The following GABRA3 variants were observed in gnomAD, a reference collection of about 807,000 sequenced individuals.
The protein encoded by GABRA3 is gamma-aminobutyric acid receptor subunit alpha-3.
Under a neutral mutation model 30.1 loss-of-function variants are expected in GABRA3, and 10 were observed. The observed-to-expected ratio is 0.33, with a 90% CI of 0.20 to 0.56. The LOEUF is 0.56. GABRA3 is among the 20% of genes least tolerant of loss of function. GABRA3 has a pLI of 0.89. For missense variants in GABRA3, 233 were observed against 392.0 expected, an observed-to-expected ratio of 0.59 and a Z score of 3.42; for synonymous variants, 151 against 146.8, an observed-to-expected ratio of 1.03 and a Z score of -0.21.
At chrX:152,309,689 C>T (rs775690897) in intron 3 of GABRA3, among the ~76,000 whole-genome samples, 11 of 111,705 alleles carry the variant, frequency 9.8e-5, no homozygotes, top group Non-Finnish European at 1.7e-4. Flanking sequence ...ACGACAAAAA[C>T]ACATTCAGGT....
At chrX:152,314,844 C>A (rs1939848972) in intron 3 of GABRA3, among the ~76,000 whole-genome samples, 1 of 112,040 alleles carries the variant, frequency 8.9e-6, no homozygotes. Flanking sequence ...GTCTCACATG[C>A]CAGATTGCAA....
At chrX:152,387,303 T>C (rs1485123826) in intron 1 of GABRA3, among the ~76,000 whole-genome samples, 1 of 110,559 alleles carries the variant, frequency 9.0e-6, no homozygotes, top group African/African-American at 3.3e-5. Flanking sequence ...ATAATAATAA[T>C]AAAGAAGCCA....
intron 5 of GABRA3, among the ~76,000 whole-genome samples, chrX:152,233,921 T>C (rs1269757115): frequency 9.4e-6 from 1 of 106,447 alleles, no homozygotes; most frequent in East Asian, 3.0e-4. Flanking sequence ...TTGGAAATCA[T>C]CATTCTCAGT....
chrX:152,339,267 G>A (rs928928970), intron 3 of GABRA3, among the ~76,000 whole-genome samples: 4 of 108,074 alleles, frequency 3.7e-5, no homozygotes, highest in Admixed American at 3.0e-4. Flanking sequence ...TTGCTCTGTC[G>A]CCCAGGCTGG....
At chrX:152,393,473 G>C (rs780286960) in intron 1 of GABRA3, 9 of 379,748 alleles carry the variant, frequency 2.4e-5, no homozygotes, top group South Asian at 2.2e-4. Flanking sequence ...GAGCAGACAA[G>C]CATGCTGCAT....
rs760856792 is a variant in GABRA3 at position 152,349,665 on chromosome X, G to A, written c.141-3963C>T. On this transcript the variant is annotated intron_variant, in intron 2 of 9. Transcript: ENST00000370314. ...GGCAGGGGTTGCAATCCTAGTCTCTGATAAAACAGACTTCAAACCAACAAA... is the reference window on the plus strand; with the variant it reads ...GGCAGGGGTTGCAATCCTAGTCTCTAATAAAACAGACTTCAAACCAACAAA... 3.0e-5 allele frequency among the ~76,000 whole-genome samples: 3 copies of A among 100,402 alleles called. No individual in the cohort carries two copies. In the Admixed American group the frequency reaches 3.3e-4, roughly 11 times the overall value. 87.2% of individuals were successfully genotyped at this position (100,402 alleles called of 115,157 possible).
Position 152,174,642 on chromosome X carries a change from GT to G in GABRA3, c.1144-6080del, listed in dbSNP as rs1260706553. 2.7e-5 allele frequency among the ~76,000 whole-genome samples: 3 copies of G among 111,419 alleles called. No homozygotes were observed. The East Asian group carries it at 8.5e-4, about 32-fold the overall frequency. On this transcript the variant is annotated intron_variant, in intron 9 of 9. Transcript: ENST00000370314. Reference sequence around the variant, plus strand: ...CACCCACTTTTTGATGGAGTTGTTTGTTTTTTTCTTGTAAATTTGTTTGAGT... The same window carrying G: ...CACCCACTTTTTGATGGAGTTGTTTGTTTTTTCTTGTAAATTTGTTTGAGT...
rs753589728 is a variant in GABRA3, at chrX:152,359,935, C to T, written c.140+4496G>A. 1.6e-3 allele frequency among the ~76,000 whole-genome samples: 181 copies of T among 110,062 alleles called. 2 individuals are homozygous for T. Among genetic ancestry groups the T allele is most frequent in the African/African-American group, 3.7e-3 (113 of 30,247 alleles). ...AAGAAAAAAATGTTTCTAATTCTTG[C>T]GATAGTTTACTGAGAATGATGGTTT... On this transcript the variant is annotated intron_variant, in intron 2 of 9. Transcript: ENST00000370314.
intron 3 of GABRA3, among the ~76,000 whole-genome samples, chrX:152,330,668 C>T (rs1014942965): frequency 1.4e-4 from 14 of 97,492 alleles, no homozygotes; most frequent in Non-Finnish European, 2.2e-4. Flanking sequence ...TTGGACACAG[C>T]GTGGAGAACA....
chrX:152,426,517 C>T (rs759904186), intron 1 of GABRA3, among the ~76,000 whole-genome samples: 2 of 111,591 alleles, frequency 1.8e-5, no homozygotes, highest in Non-Finnish European at 3.8e-5. Flanking sequence ...ACTTCATACT[C>T]AATTCTACTC....
chrX:152,279,154 C>T (rs1939149784), intron 4 of GABRA3, among the ~76,000 whole-genome samples: 1 of 111,680 alleles, frequency 9.0e-6, no homozygotes, highest in Non-Finnish European at 1.9e-5. Context: ...GTTGCCATTG[C>T]TTTTGGTGTT....
intron 3 of GABRA3, among the ~76,000 whole-genome samples, chrX:152,294,972 C>G (rs1389409684): frequency 9.0e-6 from 1 of 110,808 alleles, no homozygotes; most frequent in African/African-American, 3.3e-5. Context: ...GAGGTCCACT[C>G]CAGACCCTGT....
intron 5 of GABRA3, chrX:152,251,172 A>G (rs762209963): frequency 6.3e-6 from 2 of 315,698 alleles, no homozygotes; most frequent in Admixed American, 3.7e-5. Context: ...TACTTCCTCT[A>G]TTCTGTAAAA....
In GABRA3 at chrX:152,404,949, G is replaced by A. The variant is rs143930724; in HGVS notation, c.-26-40353C>T. Reference sequence around the variant, plus strand: ...CCCTCCACTGATCGTCCCCCTGCAAGGAACACTGAATTGAACAACTATCCA... The same window carrying A: ...CCCTCCACTGATCGTCCCCCTGCAAAGAACACTGAATTGAACAACTATCCA... On this transcript the variant is annotated intron_variant, in intron 1 of 9. Transcript: ENST00000370314. Among the ~76,000 whole-genome samples the A allele has an allele frequency of 3.2e-4, 35 of 108,355 alleles. No individual in the cohort carries two copies. In the East Asian group the frequency reaches 9.9e-3, roughly 31 times the overall value. 94.1% of individuals were successfully genotyped at this position (108,355 alleles called of 115,157 possible).
At chrX:152,256,872 T>C (rs1156691472) in intron 4 of GABRA3, among the ~76,000 whole-genome samples, 3 of 111,826 alleles carry the variant, frequency 2.7e-5, no homozygotes, top group Admixed American at 9.5e-5. Context: ...TTTTCTTTCT[T>C]GAAGGTGCTT....
chrX:152,270,853 TTA>T (rs1491148953), intron 4 of GABRA3, among the ~76,000 whole-genome samples: 47 of 99,513 alleles, frequency 4.7e-4, no homozygotes, highest in African/African-American at 1.8e-3. Flanking sequence ...AGATTCCAAC[TTA>T]AAAAAAAAAA....
chrX:152,351,792 A>C (rs1193652328), intron 2 of GABRA3, among the ~76,000 whole-genome samples: 2 of 111,364 alleles, frequency 1.8e-5, no homozygotes, highest in East Asian at 5.6e-4. Flanking sequence ...TTTTGATTTA[A>C]AGTGAGAGCC....
intron 1 of GABRA3, among the ~76,000 whole-genome samples, chrX:152,368,758 T>G (rs1928735173): frequency 1.1e-5 from 1 of 91,875 alleles, no homozygotes; most frequent in African/African-American, 4.2e-5. Flanking sequence ...CAGGCTGGAG[T>G]GCAGTGGCGT....
At chrX:152,253,826 T>G (rs1363163079) in intron 5 of GABRA3, among the ~76,000 whole-genome samples, 1 of 111,526 alleles carries the variant, frequency 9.0e-6, no homozygotes, top group Non-Finnish European at 1.9e-5. Context: ...CTTCTGCCTC[T>G]ACCTATCCAC....
Sources: gnomAD v4.1 joint callset for allele counts (sites outside exome capture counted in the v4.1 genomes callset) on GRCh38, gnomAD v4.1.1 for gene constraint, MANE v1.5 for transcripts, NCBI Gene and HGNC (gene_info 2026-07-23, HGNC 2026-07-21) for gene names.